GDAP1: variants seen among roughly 807,000 people sequenced by gnomAD.
The protein encoded by GDAP1 is ganglioside induced differentiation associated protein 1, also known as ganglioside-induced differentiation-associated protein 1.
A neutral mutation model predicts 40.1 loss-of-function variants in GDAP1; 34 were observed. The ratio of observed to expected loss-of-function variants is 0.85; its 90% CI spans 0.64 to 1.13. The LOEUF is 1.13. Among genes scored for constraint, GDAP1 ranks in the 50% most tolerant of loss-of-function variants. GDAP1 has a pLI of 0.00. For missense variants in GDAP1, 374 were observed against 433.7 expected (o/e 0.86, Z 1.22); for synonymous variants, 170 against 157.4 (o/e 1.08, Z -0.60).
At chr8:74,469,871 G>A (rs1258499001) in intron 2 of GDAP1, among the ~76,000 whole-genome samples, 1 of 151,906 alleles carries the variant, frequency 6.6e-6, no homozygotes, top group Non-Finnish European at 1.5e-5. Flanking sequence ...CTACTCGGGA[G>A]GCTGAGGCAG....
At chr8:74,399,469 T>C (rs1296573996) in intron 2 of GDAP1, among the ~76,000 whole-genome samples, 1 of 148,912 alleles carries the variant, frequency 6.7e-6, no homozygotes, top group Non-Finnish European at 1.5e-5. Flanking sequence ...GTTAGCGGTC[T>C]ATCAATTTTG....
At chr8:74,358,188 C>T (rs1480374840) in intron 2 of GDAP1, among the ~76,000 whole-genome samples, 1 of 152,198 alleles carries the variant, frequency 6.6e-6, no homozygotes, top group Non-Finnish European at 1.5e-5. Context: ...CATTTGTCCT[C>T]CTTGAAGAAT....
chr8:74,412,396 G>C (rs1000317521), intron 2 of GDAP1, among the ~76,000 whole-genome samples: 1 of 150,092 alleles, frequency 6.7e-6, no homozygotes, highest in African/African-American at 2.5e-5. Context: ...TATTTGAAAA[G>C]ATAATGCCTT....
intron 2 of GDAP1, among the ~76,000 whole-genome samples, chr8:74,386,749 G>A (rs2131540882): frequency 6.6e-6 from 1 of 152,286 alleles, no homozygotes. Context: ...GATGGGAATA[G>A]CATTGAATCT....
intron 2 of GDAP1, among the ~76,000 whole-genome samples, chr8:74,439,810 A>G (rs1373222494): frequency 6.6e-6 from 1 of 152,044 alleles, no homozygotes; most frequent in African/African-American, 2.4e-5. Context: ...GTTGTAATAA[A>G]GACTTTAAAA....
Position 74,366,723 on chromosome 8 carries a change from T to C in GDAP1, c.*2356T>C, listed in dbSNP as rs1006808060. 8.8e-6 allele frequency: 4 copies of C among 452,522 alleles called. No homozygotes were observed. The highest frequency in any genetic ancestry group is 2.4e-5 in the Admixed American group (1 of 42,288). 28.0% of individuals were successfully genotyped at this position (452,522 alleles called of 1,614,324 possible). ...TGAATCCATTTTCCATAATTGCGGA[T>C]AGTCATAAATTGCTTGCTCAATTTT... On this transcript the variant is annotated 3_prime_UTR_variant, in exon 6 of 6. Coordinates refer to ENST00000220822, the MANE Select transcript of GDAP1 (RefSeq NM_018972.4).
chr8:74,419,807 T>C (rs1029983373), intron 2 of GDAP1, among the ~76,000 whole-genome samples: 2 of 152,200 alleles, frequency 1.3e-5, no homozygotes, highest in Non-Finnish European at 2.9e-5. Context: ...ACTTAGGGCA[T>C]TGATCTATTT....
intron 2 of GDAP1, among the ~76,000 whole-genome samples, chr8:74,475,352 C>G (rs1188501298): frequency 6.6e-6 from 1 of 151,912 alleles, no homozygotes; most frequent in African/African-American, 2.4e-5. Context: ...TCTTGCTTCT[C>G]TGGTTCTTTT....
chr8:74,373,987 A>G (rs1449631271), intron 2 of GDAP1, among the ~76,000 whole-genome samples: 1 of 152,194 alleles, frequency 6.6e-6, no homozygotes, highest in African/African-American at 2.4e-5. Context: ...ATTTTGTCAA[A>G]GGCCTTTTCT....
intron 2 of GDAP1, among the ~76,000 whole-genome samples, chr8:74,424,115 A>G (rs1805918074): frequency 6.6e-6 from 1 of 152,156 alleles, no homozygotes; most frequent in African/African-American, 2.4e-5. Context: ...ATAGTGTTAT[A>G]TTAGCATCTA....
At chr8:74,487,699 G>A (rs1222636540) in intron 2 of GDAP1, among the ~76,000 whole-genome samples, 2 of 152,098 alleles carry the variant, frequency 1.3e-5, no homozygotes, top group Non-Finnish European at 2.9e-5. Context: ...AATTCAAAAG[G>A]TAGAGAGGTA....
intron 2 of GDAP1, among the ~76,000 whole-genome samples, chr8:74,434,963 G>T (rs1017767319): frequency 1.3e-5 from 2 of 151,984 alleles, no homozygotes; most frequent in Admixed American, 1.3e-4. Context: ...TTTTTTGTCT[G>T]TTTTTACATT....
At chr8:74,472,344 A>T (rs1806568237) in intron 2 of GDAP1, among the ~76,000 whole-genome samples, 1 of 152,184 alleles carries the variant, frequency 6.6e-6, no homozygotes, top group African/African-American at 2.4e-5. Flanking sequence ...CCTTTGATGG[A>T]CATTTAGGTT....
In GDAP1 at chr8:74,372,991, C is replaced by T. The variant is rs1809781242; in HGVS notation, c.165+21670C>T. 3.9e-5 allele frequency among the ~76,000 whole-genome samples: 6 copies of T among 152,144 alleles called. No homozygotes were observed. The South Asian group carries it at 8.3e-4, about 21-fold the overall frequency. On this transcript the variant is annotated intron_variant, in intron 2 of 2. Transcript: ENST00000523640. ...GTTTCAGCTTTCTACATATGGCTAG[C>T]CAGTTTTCCCAGCACCATTTGTTAA...
chr8:74,439,102 A>G (rs117526776), intron 2 of GDAP1, among the ~76,000 whole-genome samples: 50 of 151,922 alleles, frequency 3.3e-4, no homozygotes, highest in Non-Finnish European at 6.5e-4. Context: ...ATGTAGTCAA[A>G]TGTATTCATC....
chr8:74,378,105 CAAA>C (rs1480878939), intron 2 of GDAP1, among the ~76,000 whole-genome samples: 1 of 152,162 alleles, frequency 6.6e-6, no homozygotes, highest in Non-Finnish European at 1.5e-5. Context: ...GAGAGTCCCC[CAAA>C]ATCAGTGTAT....
chr8:74,486,754 GATATTAAC>G (rs1216799982), intron 2 of GDAP1, among the ~76,000 whole-genome samples: 1 of 152,100 alleles, frequency 6.6e-6, no homozygotes, highest in Non-Finnish European at 1.5e-5. Context: ...TCCCTGTTTG[GATATTAAC>G]ATATTTTATT....
At chr8:74,377,253 G>A (rs1809871207) in intron 2 of GDAP1, among the ~76,000 whole-genome samples, 1 of 151,840 alleles carries the variant, frequency 6.6e-6, no homozygotes, top group African/African-American at 2.4e-5. Context: ...AAAATGAAAA[G>A]CCAAACCACA....
At position 74,463,297 on chromosome 8, in the gene GDAP1, TA is replaced by T. The variant is rs1291956039; in HGVS notation, c.166-25374del. The stretch of plus-strand genomic sequence containing the variant: ...GGAGACCCCATATGTATTAAAAAAA[TA>T]AAAAAATAAATTAGCGGGATGTGGT... On this transcript the variant is annotated intron_variant, in intron 2 of 2. Coordinates refer to the GDAP1 transcript ENST00000523640. Among the ~76,000 whole-genome samples the T allele has an allele frequency of 1.1e-4, 16 of 146,714 alleles. 1 individual carries two copies. The highest frequency in any genetic ancestry group is 3.9e-4 in the African/African-American group (15 of 38,938).
Sources: gnomAD v4.1 joint callset for allele counts (sites outside exome capture counted in the v4.1 genomes callset) on GRCh38, gnomAD v4.1.1 for gene constraint, MANE v1.5 for transcripts, NCBI Gene and HGNC (gene_info 2026-07-23, HGNC 2026-07-21) for gene names.